ZNF804A: variants seen among roughly 807,000 people sequenced by gnomAD.
ZNF804A encodes the protein zinc finger protein 804A.
In ZNF804A, 2 loss-of-function variants were observed where a neutral mutation model predicts 16.5. The observed-to-expected ratio is 0.12, with a 90% CI of 0.05 to 0.38. The LOEUF is 0.38. ZNF804A is among the 10% of genes least tolerant of loss of function. The probability of loss-of-function intolerance (pLI) is 0.99; values close to 1 mark genes in which losing one functional copy is unlikely to be tolerated. For missense variants in ZNF804A, 1,473 were observed against 1,390.7 expected (o/e 1.06, Z -0.94); for synonymous variants, 534 against 489.6 (o/e 1.09, Z -1.20).
At chr2:184,664,811 G>A (rs2035320) in intron 1 of ZNF804A, among the ~76,000 whole-genome samples, 1 of 152,066 alleles carries the variant, frequency 6.6e-6, no homozygotes, top group Non-Finnish European at 1.5e-5. Flanking sequence ...TTGTCTTTAC[G>A]ACAGCTCTTG....
At chr2:184,883,750 AC>A (rs1275162953) in intron 2 of ZNF804A, among the ~76,000 whole-genome samples, 1 of 151,974 alleles carries the variant, frequency 6.6e-6, no homozygotes, top group African/African-American at 2.4e-5. Flanking sequence ...AAAATTCAAC[AC>A]CCCTTCGCAT....
chr2:184,802,198 C>T (rs1213956240), intron 1 of ZNF804A, among the ~76,000 whole-genome samples: 3 of 152,138 alleles, frequency 2.0e-5, no homozygotes, highest in African/African-American at 7.2e-5. Flanking sequence ...GTGAATTTCA[C>T]AAGTTTTGCT....
At chr2:184,927,236 C>T (rs1685626036) in intron 2 of ZNF804A, among the ~76,000 whole-genome samples, 1 of 152,234 alleles carries the variant, frequency 6.6e-6, no homozygotes, top group Admixed American at 6.5e-5. Context: ...TTCTGTGGCT[C>T]TTGTAGATTC....
At position 184,598,990 on chromosome 2, in the gene ZNF804A, A is replaced by G. The variant is rs1296466900; in HGVS notation, c.31A>G (p.Thr11Ala). The stretch of plus-strand genomic sequence containing the variant: ...GTGTTACTACATTGTCATCAGCTCC[A>G]CGCATCTCAGCAACGGACACTTTCG... Reference protein sequence around the residue: MECYYIVISSTHLSNGHFRNI... With the variant: MECYYIVISSAHLSNGHFRNI... The change falls in exon 1 of 4, where the codon ACG (threonine) becomes GCG (alanine). Residue 11 changes from threonine (T) to alanine (A), a missense_variant. Coordinates refer to ENST00000302277, the MANE Select transcript of ZNF804A (RefSeq NM_194250.2). 6.2e-7 allele frequency: 1 copy of G among 1,613,794 alleles called. No homozygotes were observed. Among genetic ancestry groups the G allele is most frequent in the Non-Finnish European group, 8.5e-7 (1 of 1,179,868 alleles).
chr2:184,892,038 T>C (rs1189153398), intron 2 of ZNF804A, among the ~76,000 whole-genome samples: 1 of 152,192 alleles, frequency 6.6e-6, no homozygotes, highest in Non-Finnish European at 1.5e-5. Context: ...TTTGACAGTT[T>C]ACTACTGAAT....
chr2:184,757,661 T>C (rs1445184176), intron 1 of ZNF804A, among the ~76,000 whole-genome samples: 1 of 151,974 alleles, frequency 6.6e-6, no homozygotes, highest in Non-Finnish European at 1.5e-5. Context: ...GTTTGAAGAG[T>C]AGAACATTCA....
chr2:184,859,272 C>G (rs1026375005), intron 1 of ZNF804A, among the ~76,000 whole-genome samples: 1 of 151,866 alleles, frequency 6.6e-6, no homozygotes, highest in African/African-American at 2.4e-5. Flanking sequence ...TCAATAAATT[C>G]CATAAGGATC....
chr2:184,841,858 A>C (rs138817653), intron 1 of ZNF804A, among the ~76,000 whole-genome samples: 1 of 152,254 alleles, frequency 6.6e-6, no homozygotes, highest in Non-Finnish European at 1.5e-5. Context: ...GTTAGCAGAT[A>C]GCTCAGCAAG....
Position 184,937,139 on chromosome 2 carries a change from G to C in ZNF804A, c.1743G>C (p.Arg581Ser), listed in dbSNP as rs779084834. 11 of 1,603,966 alleles carry C rather than the reference G, an allele frequency of 6.9e-6. No homozygotes were observed. In the African/African-American group the frequency reaches 1.5e-4, roughly 22 times the overall value. Residue 581 changes from arginine to serine, a missense_variant, in exon 4 of 4, where the codon AGG (arginine) becomes AGC (serine). Transcript: ENST00000302277. Reference sequence around the variant, plus strand: ...TAGATGAAAAATACAACAAAATAAGGTTGAAAGAGACCCATGAATACTGGT... The same window carrying C: ...TAGATGAAAAATACAACAAAATAAGCTTGAAAGAGACCCATGAATACTGGT... Reference protein sequence around the residue: ...DTLDEKYNKIRLKETHEYWFH... With the variant: ...DTLDEKYNKISLKETHEYWFH...
At chr2:184,892,505 T>TA (rs1553486538) in intron 2 of ZNF804A, among the ~76,000 whole-genome samples, 96 of 145,108 alleles carry the variant, frequency 6.6e-4, no homozygotes, top group African/African-American at 2.5e-3. Context: ...TTTTTTTTTT[T>TA]ATGGAGTCTT....
Position 184,666,015 on chromosome 2 carries a change from T to C in ZNF804A, c.111+66945T>C, listed in dbSNP as rs952527681. On this transcript the variant is annotated intron_variant, in intron 1 of 3. Coordinates refer to ENST00000302277, the MANE Select transcript of ZNF804A (RefSeq NM_194250.2). ...TAATATCAACCAATTAAATTTGGTT[T>C]CATCTGCGAAATCCTTTTTACTGTG... 3.9e-5 allele frequency among the ~76,000 whole-genome samples: 6 copies of C among 152,170 alleles called. 1 individual carries two copies. The South Asian group carries it at 6.2e-4, about 16-fold the overall frequency.
chr2:184,627,096 G>T (rs1287133989), intron 1 of ZNF804A, among the ~76,000 whole-genome samples: 2 of 152,130 alleles, frequency 1.3e-5, no homozygotes, highest in African/African-American at 4.8e-5. Context: ...CATGTATTAA[G>T]ATGCTGCTTA....
At chr2:184,666,220 A>C (rs1382353906) in intron 1 of ZNF804A, among the ~76,000 whole-genome samples, 1 of 152,150 alleles carries the variant, frequency 6.6e-6, no homozygotes, top group Non-Finnish European at 1.5e-5. Flanking sequence ...ACTTAATTGA[A>C]TGCAGTGTAC....
Position 184,835,799 on chromosome 2 carries a change from ATGGAGTGTC to A in ZNF804A, c.112-30566_112-30558del, listed in dbSNP as rs147809097. Among the ~76,000 whole-genome samples the A allele has an allele frequency of 8.4e-3, 1,280 of 152,262 alleles. 33 individuals are homozygous for A. Among genetic ancestry groups the A allele is most frequent in the East Asian group, 0.06 (309 of 5,178 alleles). On this transcript the variant is annotated intron_variant, in intron 1 of 3. Coordinates refer to ENST00000302277, the MANE Select transcript of ZNF804A (RefSeq NM_194250.2). ...AATGGAGACACAGAGTTGAAGGTTC[ATGGAGTGTC>A]TGGGGACAACTGGTTTGGTGTTGCA...
intron 1 of ZNF804A, among the ~76,000 whole-genome samples, chr2:184,668,974 T>A (rs1692297779): frequency 8.1e-6 from 1 of 122,836 alleles, no homozygotes; most frequent in Non-Finnish European, 1.7e-5. Flanking sequence ...TAGTACCAGT[T>A]CTTCTGAGGA....
chr2:184,681,884 T>C (rs1009580023), intron 1 of ZNF804A, among the ~76,000 whole-genome samples: 17 of 152,352 alleles, frequency 1.1e-4, no homozygotes, highest in Middle Eastern at 3.4e-3. Flanking sequence ...GGCTCCAAAG[T>C]GCCTGCTCTC....
intron 1 of ZNF804A, among the ~76,000 whole-genome samples, chr2:184,695,759 C>A (rs1015320093): frequency 2.0e-5 from 3 of 152,072 alleles, no homozygotes; most frequent in South Asian, 2.1e-4. Context: ...CATCTTGTCA[C>A]CAAAAGTGGA....
At chr2:184,887,085 C>CT (rs1293903061) in intron 2 of ZNF804A, among the ~76,000 whole-genome samples, 5 of 152,316 alleles carry the variant, frequency 3.3e-5, no homozygotes, top group African/African-American at 1.2e-4. Context: ...CCTTTAACAG[C>CT]ATCCAAATCA....
intron 1 of ZNF804A, among the ~76,000 whole-genome samples, chr2:184,787,369 T>C (rs1250206113): frequency 6.6e-6 from 1 of 151,940 alleles, no homozygotes; most frequent in African/African-American, 2.4e-5. Flanking sequence ...TGGGTAGGTA[T>C]CTAGTAGTGG....
Sources: gnomAD v4.1 joint callset for allele counts (sites outside exome capture counted in the v4.1 genomes callset) on GRCh38, gnomAD v4.1.1 for gene constraint, MANE v1.5 for transcripts, NCBI Gene and HGNC (gene_info 2026-07-23, HGNC 2026-07-21) for gene names.